SMAD2: variants seen among roughly 807,000 people sequenced by gnomAD.
SMAD2 encodes the protein SMAD family member 2, also known as MAD homolog 2.
In SMAD2, 8 loss-of-function variants were observed where a neutral mutation model predicts 64.4. The ratio of observed to expected loss-of-function variants is 0.12; its 90% CI spans 0.07 to 0.22. SMAD2 has a LOEUF of 0.22. SMAD2 is among the 10% of genes least tolerant of loss of function. The pLI is 1.00. For missense variants in SMAD2, 289 were observed against 561.2 expected (o/e 0.51, Z 4.90); for synonymous variants, 203 against 195.8 (o/e 1.04, Z -0.31).
rs1913404882 is a variant in SMAD2, at chr18:47,836,281, T to C, written c.*5546A>G. ...TTAAAGAGGGAGCAATCTAGTATTA[T>C]CAACAACAACAAAGTTAACCCTAAG... is the stretch of plus-strand genomic sequence containing the variant. On this transcript the variant is annotated 3_prime_UTR_variant, in exon 11 of 11. Transcript: ENST00000262160. 1 of 223,748 alleles carries C rather than the reference T, an allele frequency of 4.5e-6. No individual in the cohort carries two copies. Among genetic ancestry groups the C allele is most frequent in the Non-Finnish European group, 8.9e-6 (1 of 112,198 alleles). 13.9% of individuals were successfully genotyped at this position (223,748 alleles called of 1,614,324 possible). A position where few individuals can be genotyped will look rare whatever the true frequency, so the allele number is the denominator to read the frequency against.
Position 47,831,772 on chromosome 18 carries a change from CATTT to C in SMAD2, c.*10051_*10054del, listed in dbSNP as rs1913003852. ...GTCTCACTATGGCAAAATAGCATGA[CATTT>C]GTTTTACAAAATCAGTTAAACCAAT... On this transcript the variant is annotated 3_prime_UTR_variant, in exon 11 of 11. Coordinates refer to ENST00000262160, the MANE Select transcript of SMAD2 (RefSeq NM_005901.6). The C allele has an allele frequency of 7.2e-6, 1 of 138,292 alleles. No individual in the cohort carries two copies. Among genetic ancestry groups the C allele is most frequent in the Non-Finnish European group, 1.5e-5 (1 of 66,074 alleles). 8.6% of individuals were successfully genotyped at this position (138,292 alleles called of 1,614,324 possible).
rs1293818310 is a variant in SMAD2, at chr18:47,835,079, C to T, written c.*6748G>A. On this transcript the variant is annotated 3_prime_UTR_variant, in exon 11 of 11. Transcript: ENST00000262160. ...TCAACAACTGCAGAACTGTTCTCAT[C>T]TTAATCGCTGTAGTTTTTCTTTCTT... The T allele has an allele frequency of 4.6e-6, 1 of 219,056 alleles. No individual in the cohort carries two copies. Among genetic ancestry groups the T allele is most frequent in the East Asian group, 6.7e-5 (1 of 14,972 alleles). The allele number at this position is 219,056 out of a possible 1,614,324, so 13.6% of individuals were successfully genotyped here. A position where few individuals can be genotyped will look rare whatever the true frequency, so the allele number is the denominator to read the frequency against.
chr18:47,865,102 A>T lies in SMAD2; in HGVS notation c.687T>A (p.Asp229Glu). Residue 229 changes from aspartate to glutamate, a missense_variant, in exon 6 of 11, where the codon GAT becomes GAA. Physicochemically the swap from Asp to Glu is conservative, Grantham distance 45. Around this residue, in one of 6 missense-constraint regions of SMAD2, gnomAD observed 119 missense variants for 156.7 expected, o/e 0.76. Transcript: ENST00000262160. ...ETPPPGYISE[D>E]GETSDQQLNQ... ...TCAACTGTTGGTCACTTGTTTCTCC[A>T]TCTTCACTGATATATCCAGGAGGTG... The T allele has an allele frequency of 6.2e-7, 1 of 1,610,340 alleles. No homozygotes were observed. The highest frequency in any genetic ancestry group is 8.5e-7 in the Non-Finnish European group (1 of 1,176,906).
Position 47,836,045 on chromosome 18 carries a change from G to A in SMAD2, c.*5782C>T. The A allele has an allele frequency of 4.7e-6, 1 of 214,414 alleles. No individual in the cohort carries two copies. The highest frequency in any genetic ancestry group is 9.4e-6 in the Non-Finnish European group (1 of 106,166). The allele number at this position is 214,414 out of a possible 1,614,324, so 13.3% of individuals were successfully genotyped here. A position where few individuals can be genotyped will look rare whatever the true frequency, so the allele number is the denominator to read the frequency against. On this transcript the variant is annotated 3_prime_UTR_variant, in exon 11 of 11. Coordinates refer to ENST00000262160, the MANE Select transcript of SMAD2 (RefSeq NM_005901.6). ...GTTCTGGATTCATTATGGATCTCATGGCACCAAACCAACTGGCACTGAAGT... is the reference window on the plus strand; with the variant it reads ...GTTCTGGATTCATTATGGATCTCATAGCACCAAACCAACTGGCACTGAAGT...
intron 1 of SMAD2, among the ~76,000 whole-genome samples, chr18:47,912,867 A>C (rs1464343155): frequency 6.8e-6 from 1 of 146,702 alleles, no homozygotes; most frequent in Non-Finnish European, 1.5e-5. Flanking sequence ...GCAAAAAAAA[A>C]AAAAAAAAAA....
At chr18:47,924,867 C>G (rs1455428268) in intron 1 of SMAD2, among the ~76,000 whole-genome samples, 1 of 152,210 alleles carries the variant, frequency 6.6e-6, no homozygotes, top group East Asian at 1.9e-4. Context: ...CTGGAAGTAG[C>G]TGAAGCAGCA....
In SMAD2 at chr18:47,810,253, CCAAGT is replaced by C. The variant is rs1035625620; in HGVS notation, c.*31569_*31573del. On this transcript the variant is annotated 3_prime_UTR_variant, in exon 11 of 11. Transcript: ENST00000262160. ...CGAGAAGAAAGTAAGAGGTCGCCAA[CCAAGT>C]CATTTCCCTGTCCCCAAACCTCCTG... The C allele has an allele frequency of 2.6e-5, 4 of 152,252 alleles. No individual in the cohort carries two copies. The highest frequency in any genetic ancestry group is 9.7e-5 in the African/African-American group (4 of 41,390). 9.4% of individuals were successfully genotyped at this position (152,252 alleles called of 1,614,324 possible).
intron 2 of SMAD2, among the ~76,000 whole-genome samples, chr18:47,885,164 C>G (rs997106071): frequency 6.7e-6 from 1 of 150,342 alleles, no homozygotes; most frequent in African/African-American, 2.5e-5. Context: ...CACACACACA[C>G]ACACACACAC....
rs145586216 is a variant in SMAD2, at chr18:47,894,326, G to A, written c.236+2195C>T. ...AAGGAGTTTTCTCGCTGCAACCCAC[G>A]TTGCACTTGAAATTAATCTGACTTC... On this transcript the variant is annotated intron_variant, in intron 2 of 10. Coordinates refer to ENST00000262160, the MANE Select transcript of SMAD2 (RefSeq NM_005901.6). Among the ~76,000 whole-genome samples the A allele has an allele frequency of 8.5e-4, 130 of 152,228 alleles. 5 individuals are homozygous for A. In the East Asian group the frequency reaches 0.019, roughly 22 times the overall value.
Position 47,810,082 on chromosome 18 carries a change from A to C in SMAD2, c.*31745T>G, listed in dbSNP as rs922468565. On this transcript the variant is annotated 3_prime_UTR_variant, in exon 11 of 11. Transcript: ENST00000262160. ...AGGGCTTCTGCCATCCTGCCTGCCT[A>C]GACGAGCTGATCTGAGTACAATCAC... 5.3e-5 allele frequency: 8 copies of C among 152,200 alleles called. No individual in the cohort carries two copies. The highest frequency in any genetic ancestry group is 1.9e-4 in the African/African-American group (8 of 41,440). 9.4% of individuals were successfully genotyped at this position (152,200 alleles called of 1,614,324 possible).
intron 1 of SMAD2, 33 bp from the exon 2 acceptor site, chr18:47,896,842 C>T: frequency 6.6e-7 from 1 of 1,525,782 alleles, no homozygotes; most frequent in Non-Finnish European, 8.9e-7. Flanking sequence ...GATGTAGAGA[C>T]TACCTTGAAC....
Position 47,825,213 on chromosome 18 carries a change from T to C in SMAD2, c.*16614A>G, listed in dbSNP as rs1032250362. 1 of 152,126 alleles carries C rather than the reference T, an allele frequency of 6.6e-6. No individual in the cohort carries two copies. The highest frequency in any genetic ancestry group is 2.4e-5 in the African/African-American group (1 of 41,418). The allele number at this position is 152,126 out of a possible 1,614,324, so 9.4% of individuals were successfully genotyped here. A position where few individuals can be genotyped will look rare whatever the true frequency, so the allele number is the denominator to read the frequency against. On this transcript the variant is annotated 3_prime_UTR_variant, in exon 11 of 11. Transcript: ENST00000262160. Reference sequence around the variant, plus strand: ...AAAATATATTAAGTTACCTGAACATTTGGGTAGAAATACTGAGCACTGCTA... The same window carrying C: ...AAAATATATTAAGTTACCTGAACATCTGGGTAGAAATACTGAGCACTGCTA...
At chr18:47,909,081 A>G (rs1000846208) in intron 1 of SMAD2, among the ~76,000 whole-genome samples, 8 of 152,190 alleles carry the variant, frequency 5.3e-5, no homozygotes, top group South Asian at 2.1e-4. Context: ...AAAAAAAAAA[A>G]AAAGAAAATT....
chr18:47,809,324 G>A lies in SMAD2; in HGVS notation c.*32503C>T, dbSNP rs558448969. 4.6e-5 allele frequency: 7 copies of A among 152,544 alleles called. No homozygotes were observed. The highest frequency in any genetic ancestry group is 4.6e-4 in the Admixed American group (7 of 15,304). 9.4% of individuals were successfully genotyped at this position (152,544 alleles called of 1,614,324 possible). A position where few individuals can be genotyped will look rare whatever the true frequency, so the allele number is the denominator to read the frequency against. ...TGGCAGATGCCAGCTGGTGGTAAAG[G>A]AATGACAGTTTTCCAGGCCAGAGCA... On this transcript the variant is annotated 3_prime_UTR_variant, in exon 11 of 11. Transcript: ENST00000262160.
At chr18:47,849,183 A>G (rs1344814842) in intron 7 of SMAD2, among the ~76,000 whole-genome samples, 1 of 152,202 alleles carries the variant, frequency 6.6e-6, no homozygotes, top group Non-Finnish European at 1.5e-5. Flanking sequence ...TTTAACATCA[A>G]ACTCTTGGTG....
intron 1 of SMAD2, among the ~76,000 whole-genome samples, chr18:47,914,030 T>C (rs1016050484): frequency 6.6e-6 from 1 of 152,210 alleles, no homozygotes; most frequent in Non-Finnish European, 1.5e-5. Context: ...GAGGTCTAAT[T>C]ATCCTGAACT....
At chr18:47,866,040 G>A (rs2031528089) in intron 5 of SMAD2, among the ~76,000 whole-genome samples, 2 of 152,146 alleles carry the variant, frequency 1.3e-5, no homozygotes, top group African/African-American at 2.4e-5. Flanking sequence ...AACGAGGCCA[G>A]GCGCGGTGGC....
At chr18:47,877,140 ATCT>A (rs2144404549) in intron 2 of SMAD2, among the ~76,000 whole-genome samples, 1 of 151,760 alleles carries the variant, frequency 6.6e-6, no homozygotes, top group South Asian at 2.1e-4. Context: ...ATTTTTCATG[ATCT>A]TCTTGCCTAA....
intron 1 of SMAD2, among the ~76,000 whole-genome samples, chr18:47,921,511 AC>A (rs2034559650): frequency 6.6e-6 from 1 of 152,206 alleles, no homozygotes; most frequent in South Asian, 2.1e-4. Flanking sequence ...GTTTTCATGT[AC>A]CCTGCCTTGC....
Sources: allele counts gnomAD v4.1 joint callset (sites outside exome capture counted in the v4.1 genomes callset), GRCh38; gene constraint gnomAD v4.1.1; regional missense constraint gnomAD v4.1.1; transcripts MANE v1.5; gene names NCBI Gene and HGNC (gene_info 2026-07-23, HGNC 2026-07-21).